B4GALNT3: variants seen among roughly 807,000 people sequenced by gnomAD.
The protein encoded by B4GALNT3 is beta-1,4-N-acetylgalactosaminyltransferase 3.
A neutral mutation model predicts 120.2 loss-of-function variants in B4GALNT3; 86 were observed. That is an observed-to-expected ratio of 0.72 (90% CI 0.60 to 0.86). The LOEUF is 0.86. Ranked by LOEUF, B4GALNT3 falls within the 40% of genes least tolerant of loss-of-function variation. The pLI, the probability that B4GALNT3 is intolerant of heterozygous loss-of-function variation, is 0.00. For synonymous variants in B4GALNT3, 518 were observed against 510.4 expected (o/e 1.01, Z -0.20); for missense variants, 1,167 against 1,298.9 (o/e 0.90, Z 1.56).
rs1305669509 is a variant in B4GALNT3 at position 511,506 on chromosome 12, TCCACCTTCTTCCAC to T, written c.170-23658_170-23645del. Among the ~76,000 whole-genome samples, 103 of 125,844 alleles carry T rather than the reference TCCACCTTCTTCCAC, an allele frequency of 8.2e-4. 3 individuals are homozygous for T. Among genetic ancestry groups the T allele is most frequent in the African/African-American group, 3.0e-3 (91 of 30,148 alleles). 82.6% of individuals were successfully genotyped at this position (125,844 alleles called of 152,430 possible). On this transcript the variant is annotated intron_variant, in intron 1 of 19. Transcript: ENST00000266383. ...TTCTTCCACCTTCCACCTTCCACCT[TCCACCTTCTTCCAC>T]CTTCCACCTTCCACCTTCTACCTTC...
At chr12:487,059 A>G (rs567702461) in intron 1 of B4GALNT3, among the ~76,000 whole-genome samples, 12 of 152,364 alleles carry the variant, frequency 7.9e-5, no homozygotes, top group African/African-American at 2.6e-4. Context: ...AATGTCTTCA[A>G]TGGACTCATT....
In B4GALNT3 at chr12:549,733, A is replaced by G. The variant is rs532323341; in HGVS notation, c.854-36A>G. 1.3e-5 allele frequency: 21 copies of G among 1,613,200 alleles called. 1 individual carries two copies. In the South Asian group the frequency reaches 2.1e-4, roughly 16 times the overall value. On this transcript the variant is annotated intron_variant, in intron 9 of 19. Transcript: ENST00000266383. The stretch of plus-strand genomic sequence containing the variant: ...GCAGTGGGCTGCTGCGCTCCAGGCC[A>G]CACAGCCTCCTGCTTTCTTTCCTCC...
At chr12:468,383 A>G (rs1946102701) in intron 1 of B4GALNT3, among the ~76,000 whole-genome samples, 1 of 152,220 alleles carries the variant, frequency 6.6e-6, no homozygotes, top group Non-Finnish European at 1.5e-5. Context: ...GGTACTGAAA[A>G]GTTGAATCAC....
chr12:492,790 G>A (rs1353070717), intron 1 of B4GALNT3, among the ~76,000 whole-genome samples: 3 of 151,796 alleles, frequency 2.0e-5, no homozygotes, highest in Admixed American at 6.6e-5. Context: ...ATGGAATTGA[G>A]AGTCCAGAAA....
chr12:468,235 CATT>C (rs3043233), intron 1 of B4GALNT3, among the ~76,000 whole-genome samples: 15,796 of 152,136 alleles, frequency 0.1, 1,048 homozygotes, highest in East Asian at 0.22. Flanking sequence ...CTGACCTAGA[CATT>C]GTTGAAAAAA....
At chr12:496,017 C>T (rs543600676) in intron 1 of B4GALNT3, among the ~76,000 whole-genome samples, 1 of 152,260 alleles carries the variant, frequency 6.6e-6, no homozygotes, top group African/African-American at 2.4e-5. Context: ...TATTCCAATA[C>T]ACTTTCTTGA....
chr12:479,778 T>A (rs7294354), intron 1 of B4GALNT3, among the ~76,000 whole-genome samples: 3 of 151,702 alleles, frequency 2.0e-5, no homozygotes, highest in African/African-American at 7.3e-5. Flanking sequence ...CGTGTCCAAC[T>A]GAGGCCTTTA....
rs377243230 is a variant in B4GALNT3 at position 506,879 on chromosome 12, G to A, written c.170-28287G>A. 2.0e-3 allele frequency among the ~76,000 whole-genome samples: 300 copies of A among 152,258 alleles called. 2 individuals are homozygous for A. Among genetic ancestry groups the A allele is most frequent in the South Asian group, 9.3e-3 (45 of 4,822 alleles). ...TCTCGATCTCCTGACCTCGTGATCCGCCCGCCTCGGCCTCCCGAAGTGCTG... is the reference window on the plus strand; with the variant it reads ...TCTCGATCTCCTGACCTCGTGATCCACCCGCCTCGGCCTCCCGAAGTGCTG... On this transcript the variant is annotated intron_variant, in intron 1 of 19. Transcript: ENST00000266383.
intron 1 of B4GALNT3, among the ~76,000 whole-genome samples, chr12:500,165 T>C (rs1018812744): frequency 1.3e-5 from 2 of 151,872 alleles, no homozygotes; most frequent in African/African-American, 2.4e-5. Flanking sequence ...TTTTTAAGAG[T>C]TGGGGTCTTG....
At chr12:481,674 C>T (rs1946244388) in intron 1 of B4GALNT3, among the ~76,000 whole-genome samples, 1 of 152,198 alleles carries the variant, frequency 6.6e-6, no homozygotes, top group Non-Finnish European at 1.5e-5. Context: ...CCTGGAGACT[C>T]TTTGCCAACA....
At chr12:546,213 G>GGA (rs146902243) in intron 6 of B4GALNT3, among the ~76,000 whole-genome samples, 44,355 of 111,518 alleles carry the variant, frequency 0.4, 9,470 homozygotes, top group Middle Eastern at 0.45. Flanking sequence ...AGAGGAGGGA[G>GGA]GGGGGTGTGG....
chr12:491,552 C>G (rs1289235571), intron 1 of B4GALNT3, among the ~76,000 whole-genome samples: 2 of 152,034 alleles, frequency 1.3e-5, no homozygotes, highest in African/African-American at 2.4e-5. Context: ...TAGTCTTGAA[C>G]TCCTGAGCTC....
intron 1 of B4GALNT3, among the ~76,000 whole-genome samples, chr12:504,449 GC>G (rs145084413): frequency 0.15 from 19,698 of 133,534 alleles, 1,554 homozygotes; most frequent in African/African-American, 0.23. Flanking sequence ...CCCCGCAGCC[GC>G]CCCCCCGCCC....
Position 553,629 on chromosome 12 carries a change from T to C in B4GALNT3, c.1706T>C (p.Ile569Thr), listed in dbSNP as rs1308672228. 6.2e-7 allele frequency: 1 copy of C among 1,613,880 alleles called. No individual in the cohort carries two copies. Residue 569 changes from isoleucine to threonine, a missense_variant, in exon 14 of 20, where the codon ATC becomes ACC. This residue lies in a region of B4GALNT3 where 983 missense variants were observed against 1,102.5 expected (regional missense o/e 0.89). Transcript: ENST00000266383. The stretch of plus-strand genomic sequence containing the variant: ...TGGCTGAACCAGGTGGAGTCGTACA[T>C]CGCAGAGCAGAGACGGGGTGACAGG... Reference protein sequence around the residue: ...TQWLNQVESYIAEQRRGDRMR... With the variant: ...TQWLNQVESYTAEQRRGDRMR...
intron 4 of B4GALNT3, 141 bp from the exon 5 acceptor site, chr12:544,741 A>G (rs1946970137): frequency 1.3e-6 from 1 of 789,146 alleles, no homozygotes; most frequent in African/African-American, 1.7e-5. Context: ...TGGGAACTGA[A>G]ATTGAGCCTG....
At chr12:525,454 C>G (rs961836477) in intron 1 of B4GALNT3, among the ~76,000 whole-genome samples, 2 of 152,210 alleles carry the variant, frequency 1.3e-5, no homozygotes, top group African/African-American at 4.8e-5. Flanking sequence ...CTCCTCCTGT[C>G]TCCGTTGCTG....
intron 1 of B4GALNT3, among the ~76,000 whole-genome samples, chr12:520,388 A>G (rs765524561): frequency 6.6e-6 from 1 of 152,214 alleles, no homozygotes; most frequent in African/African-American, 2.4e-5. Context: ...GAGATGAACT[A>G]TTTCAGACAT....
In B4GALNT3 at chr12:558,238, A is replaced by AG. The variant is rs1947182874; in HGVS notation, c.2607+153dup. On this transcript the variant is annotated intron_variant, in intron 17 of 19. Coordinates refer to ENST00000266383, the MANE Select transcript of B4GALNT3 (RefSeq NM_173593.4). ...CTCTGCTGTGCTGCAGGCCAGTGCT[A>AG]GGGTGGGACCAGCAAATCACAGTGG... 3.3e-6 allele frequency: 3 copies of AG among 917,930 alleles called. No individual in the cohort carries two copies. In the East Asian group the frequency reaches 7.9e-5, roughly 24 times the overall value. 56.9% of individuals were successfully genotyped at this position (917,930 alleles called of 1,614,324 possible).
chr12:460,657 T>A lies in B4GALNT3; in HGVS notation c.169+112T>A. 9.2e-7 allele frequency: 1 copy of A among 1,082,584 alleles called. No homozygotes were observed. The highest frequency in any genetic ancestry group is 1.2e-6 in the Non-Finnish European group (1 of 847,152). The allele number at this position is 1,082,584 out of a possible 1,614,324, so 67.1% of individuals were successfully genotyped here. A position where few individuals can be genotyped will look rare whatever the true frequency, so the allele number is the denominator to read the frequency against. ...CCTCAGACCCGATTTCCCACCCATT[T>A]CTCCCTCAGGTGCCCGGCGTCGCCC... On this transcript the variant is annotated intron_variant, in intron 1 of 19. Transcript: ENST00000266383. This position sits in a 1 kb window ranked among gnomAD's most constrained non-coding sequence, Gnocchi z 8.0.
Sources: allele counts gnomAD v4.1 joint callset (sites outside exome capture counted in the v4.1 genomes callset), GRCh38; gene constraint gnomAD v4.1.1; regional missense constraint gnomAD v4.1.1; non-coding constraint Gnocchi (gnomAD v3.1); transcripts MANE v1.5; gene names NCBI Gene and HGNC (gene_info 2026-07-23, HGNC 2026-07-21).